ABLIM1: variants seen among roughly 807,000 people sequenced by gnomAD.
ABLIM1 encodes actin-binding LIM protein 1.
In ABLIM1, 40 loss-of-function variants were observed where a neutral mutation model predicts 107.0. That is an observed-to-expected ratio of 0.37 (90% CI 0.29 to 0.49). The LOEUF is 0.49. Among genes scored for constraint, ABLIM1 ranks in the 20% least tolerant of loss-of-function variants. ABLIM1 has a pLI of 0.97. For missense variants in ABLIM1, 857 were observed against 1,008.5 expected (o/e 0.85, Z 2.04); for synonymous variants, 357 against 357.3 (o/e 1.00, Z 0.01).
chr10:114,432,452 T>A lies in ABLIM1; in HGVS notation c.*3808A>T, dbSNP rs1383738093. ...GGAGGATGCTAAGACCCAGTTAGCTTTAAATGGTTTTTAGAAAGACTTACC... is the reference window on the plus strand; with the variant it reads ...GGAGGATGCTAAGACCCAGTTAGCTATAAATGGTTTTTAGAAAGACTTACC... On this transcript the variant is annotated 3_prime_UTR_variant, in exon 23 of 23. Coordinates refer to ENST00000533213, the MANE Select transcript of ABLIM1 (RefSeq NM_002313.7). The A allele has an allele frequency of 6.6e-6, 1 of 152,206 alleles. No individual in the cohort carries two copies. 9.4% of individuals were successfully genotyped at this position (152,206 alleles called of 1,614,324 possible). A position where few individuals can be genotyped will look rare whatever the true frequency, so the allele number is the denominator to read the frequency against.
chr10:114,743,075 T>A (rs1187992971), intron 1 of ABLIM1, among the ~76,000 whole-genome samples: 1 of 152,228 alleles, frequency 6.6e-6, no homozygotes, highest in Non-Finnish European at 1.5e-5. Flanking sequence ...CTACTACTAA[T>A]AAGTAGTATA....
intron 12 of ABLIM1, among the ~76,000 whole-genome samples, chr10:114,456,258 G>A (rs757258890): frequency 4.6e-5 from 7 of 152,132 alleles, no homozygotes; most frequent in Non-Finnish European, 1.0e-4. Context: ...AAATGATGAT[G>A]ATAAGTAAAG....
the ABLIM1 span, among the ~76,000 whole-genome samples, chr10:114,781,912 C>T: frequency 6.6e-6 from 1 of 151,898 alleles, no homozygotes; most frequent in East Asian, 1.9e-4. Context: ...GCACTGTGGT[C>T]TGATAGTTTT....
At chr10:114,472,039 C>A (rs187906397) in intron 10 of ABLIM1, among the ~76,000 whole-genome samples, 1 of 151,748 alleles carries the variant, frequency 6.6e-6, no homozygotes, top group Admixed American at 6.6e-5. Context: ...GCTCTGGTCC[C>A]GCAGCAGATG....
At chr10:114,710,399 G>A in intron 1 of ABLIM1, among the ~76,000 whole-genome samples, 1 of 152,162 alleles carries the variant, frequency 6.6e-6, no homozygotes, top group East Asian at 1.9e-4. Flanking sequence ...CATGGTGGCA[G>A]GCAAGACAGA....
chr10:114,764,397 G>A (rs1260722662), intron 1 of ABLIM1, among the ~76,000 whole-genome samples: 1 of 152,158 alleles, frequency 6.6e-6, no homozygotes, highest in Non-Finnish European at 1.5e-5. Context: ...TTTTGAGATA[G>A]AGTCTCAGTC....
chr10:114,522,488 T>C (rs1192105700), intron 6 of ABLIM1, among the ~76,000 whole-genome samples: 2 of 152,218 alleles, frequency 1.3e-5, no homozygotes, highest in East Asian at 1.9e-4. Flanking sequence ...TTTTCAAGTA[T>C]GTTTATTTGG....
Position 114,644,376 on chromosome 10 carries a change from G to T in ABLIM1, c.244+13581C>A, listed in dbSNP as rs1454360747. ...CATATATATATACACACACACATTGGTTCTAAGGATAATCACATGGGGTTT... is the reference window on the plus strand; with the variant it reads ...CATATATATATACACACACACATTGTTTCTAAGGATAATCACATGGGGTTT... On this transcript the variant is annotated intron_variant, in intron 1 of 22. Coordinates refer to ENST00000533213, the MANE Select transcript of ABLIM1 (RefSeq NM_002313.7). Among the ~76,000 whole-genome samples the T allele has an allele frequency of 2.3e-5, 3 of 127,666 alleles. 1 individual carries two copies. The highest frequency in any genetic ancestry group is 9.6e-5 in the African/African-American group (3 of 31,236). The allele number at this position is 127,666 out of a possible 152,430, so 83.8% of individuals were successfully genotyped here. A position where few individuals can be genotyped will look rare whatever the true frequency, so the allele number is the denominator to read the frequency against.
intron 1 of ABLIM1, among the ~76,000 whole-genome samples, chr10:114,680,970 G>A (rs2080721382): frequency 6.6e-6 from 1 of 152,098 alleles, no homozygotes; most frequent in Non-Finnish European, 1.5e-5. Flanking sequence ...GACTCACCAG[G>A]AGACCCTCCC....
At chr10:114,597,647 G>T (rs1160252790) in intron 2 of ABLIM1, among the ~76,000 whole-genome samples, 4 of 152,188 alleles carry the variant, frequency 2.6e-5, no homozygotes, top group African/African-American at 9.7e-5. Flanking sequence ...TAGCTAATGA[G>T]AAATGTCTCG....
intron 2 of ABLIM1, among the ~76,000 whole-genome samples, chr10:114,577,883 G>C (rs1488911475): frequency 6.6e-6 from 1 of 152,036 alleles, no homozygotes; most frequent in African/African-American, 2.4e-5. Flanking sequence ...TGAGAAGGGG[G>C]GCCTATGATG....
At chr10:114,537,724 A>C (rs2066191945) in intron 6 of ABLIM1, among the ~76,000 whole-genome samples, 1 of 152,226 alleles carries the variant, frequency 6.6e-6, no homozygotes, top group East Asian at 1.9e-4. Flanking sequence ...GGGACAGACC[A>C]TCTCAACCAA....
At chr10:114,457,288 G>C (rs1325253992) in intron 12 of ABLIM1, among the ~76,000 whole-genome samples, 1 of 150,110 alleles carries the variant, frequency 6.7e-6, no homozygotes, top group Admixed American at 6.6e-5. Flanking sequence ...ATTTTTTTTT[G>C]AGACAGAGTC....
chr10:114,792,920 A>G, the ABLIM1 span, among the ~76,000 whole-genome samples: 52 of 152,210 alleles, frequency 3.4e-4, no homozygotes, highest in African/African-American at 1.3e-3. Flanking sequence ...GGGAGGCAGA[A>G]GTGGGAAGAT....
chr10:114,443,949 C>A (rs1397801582), intron 17 of ABLIM1, 80 bp downstream of exon 17: 7 of 1,162,170 alleles, frequency 6.0e-6, no homozygotes, highest in Non-Finnish European at 4.9e-6. Context: ...GGTTCCACCA[C>A]AAGTGAACAG....
At chr10:114,500,182 A>G (rs1378859149) in intron 6 of ABLIM1, among the ~76,000 whole-genome samples, 2 of 152,218 alleles carry the variant, frequency 1.3e-5, no homozygotes, top group African/African-American at 4.8e-5. Flanking sequence ...ACACTGCTTT[A>G]AACACGTGTG....
rs958924960 is a variant in ABLIM1 at position 114,724,691 on chromosome 10, C to T, written c.-213+43370G>A. On this transcript the variant is annotated intron_variant, in intron 1 of 15. Coordinates refer to the ABLIM1 transcript ENST00000651092. ...GCCAGGAGAGCTCTGAGAAGTCCTG[C>T]CTTCCTCTCACGAGAACAGCAGGCA... Among the ~76,000 whole-genome samples, 3 of 152,196 alleles carry T rather than the reference C, an allele frequency of 2.0e-5. No homozygotes were observed. In the South Asian group the frequency reaches 6.2e-4, roughly 31 times the overall value.
At chr10:114,613,794 C>G in intron 1 of ABLIM1, 1 of 1,261,030 alleles carries the variant, frequency 7.9e-7, no homozygotes, top group Non-Finnish European at 1.0e-6. Flanking sequence ...AGGCTCCTGA[C>G]TCCTCCCAGA....
chr10:114,759,027 CA>C (rs2082688927), intron 1 of ABLIM1, among the ~76,000 whole-genome samples: 2 of 152,088 alleles, frequency 1.3e-5, no homozygotes, highest in Admixed American at 6.5e-5. Context: ...AATTATCTAA[CA>C]AAGGACTAAA....
Sources: gnomAD v4.1 joint callset for allele counts (sites outside exome capture counted in the v4.1 genomes callset) on GRCh38, gnomAD v4.1.1 for gene constraint, MANE v1.5 for transcripts, NCBI Gene and HGNC (gene_info 2026-07-23, HGNC 2026-07-21) for gene names.